NSD1: variants seen among roughly 807,000 people sequenced by gnomAD.
NSD1 encodes histone-lysine N-methyltransferase, H3 lysine-36 specific.
Under a neutral mutation model 242.7 loss-of-function variants are expected in NSD1, and 26 were observed. The observed-to-expected ratio is 0.11, with a 90% CI of 0.08 to 0.15. The LOEUF (loss-of-function observed/expected upper bound fraction) is 0.15, where lower values mean the gene tolerates loss of function less well. Ranked by LOEUF, NSD1 falls within the 10% of genes least tolerant of loss-of-function variation. NSD1 has a pLI of 1.00. For missense variants in NSD1, 2,495 were observed against 3,272.8 expected, an observed-to-expected ratio of 0.76 and a Z score of 5.80; for synonymous variants, 1,106 against 1,178.1, an observed-to-expected ratio of 0.94 and a Z score of 1.25.
intron 14 of NSD1, chr5:177,264,834 A>T: frequency 1.3e-6 from 1 of 756,558 alleles, no homozygotes; most frequent in Non-Finnish European, 2.4e-6. Context: ...GAAAACATGG[A>T]GTTGTTCCTT....
chr5:177,169,858 A>G (rs1448074437), intron 2 of NSD1, among the ~76,000 whole-genome samples: 1 of 152,216 alleles, frequency 6.6e-6, no homozygotes, highest in Non-Finnish European at 1.5e-5. Context: ...TTACTTCTGT[A>G]CCAACCTAAT....
chr5:177,256,479 TGC>T (rs771929981), intron 12 of NSD1, among the ~76,000 whole-genome samples: 3 of 152,092 alleles, frequency 2.0e-5, no homozygotes, highest in Non-Finnish European at 4.4e-5. Context: ...GATGGAGTTT[TGC>T]CACGTTGCCT....
intron 2 of NSD1, 101 bp from the exon 3 acceptor site, chr5:177,191,783 A>G (rs1562180442): frequency 7.9e-7 from 1 of 1,259,604 alleles, no homozygotes; most frequent in Non-Finnish European, 1.1e-6. Flanking sequence ...TTTCATTCTC[A>G]ATTTTTCATA....
intron 5 of NSD1, among the ~76,000 whole-genome samples, chr5:177,233,878 A>T (rs1765248723): frequency 6.6e-6 from 1 of 152,158 alleles, no homozygotes; most frequent in African/African-American, 2.4e-5. Flanking sequence ...ATGACCAGGG[A>T]ATCCCTAGAT....
At chr5:177,268,413 C>T (rs1349460399) in intron 15 of NSD1, among the ~76,000 whole-genome samples, 1 of 151,562 alleles carries the variant, frequency 6.6e-6, no homozygotes, top group East Asian at 1.9e-4. Flanking sequence ...ACCAACATGG[C>T]ACATGTATAC....
chr5:177,135,308 T>C lies in NSD1; in HGVS notation c.205T>C (p.Tyr69His). Residue 69 changes from tyrosine to histidine, a missense_variant, in exon 2 of 23, where the codon TAC becomes CAC. Physicochemically the swap from Tyr to His is moderately conservative, Grantham distance 83. Around this residue, in one of 19 missense-constraint regions of NSD1, gnomAD observed 376 missense variants for 367.4 expected, o/e 1.02. Coordinates refer to ENST00000439151, the MANE Select transcript of NSD1 (RefSeq NM_022455.5). Reference sequence around the variant, plus strand: ...TTATGGACAAGATTCTCCATCTTGTTACATTCCACTGCGGAGACTACAGGA... The same window carrying C: ...TTATGGACAAGATTCTCCATCTTGTCACATTCCACTGCGGAGACTACAGGA... ...NAYGQDSPSC[Y>H]IPLRRLQDLA... 2 of 1,613,484 alleles carry C rather than the reference T, an allele frequency of 1.2e-6. No homozygotes were observed. Among genetic ancestry groups the C allele is most frequent in the Admixed American group, 1.7e-5 (1 of 60,014 alleles).
At chr5:177,200,572 A>C (rs1017974381) in intron 3 of NSD1, among the ~76,000 whole-genome samples, 1 of 152,206 alleles carries the variant, frequency 6.6e-6, no homozygotes, top group Non-Finnish European at 1.5e-5. Flanking sequence ...CAACATCACC[A>C]TAGCCCTTGG....
At chr5:177,271,749 A>G (rs1412597956) in intron 16 of NSD1, among the ~76,000 whole-genome samples, 1 of 152,158 alleles carries the variant, frequency 6.6e-6, no homozygotes, top group South Asian at 2.1e-4. Context: ...GTTAGAGCAG[A>G]GTTTTAGAAA....
intron 4 of NSD1, among the ~76,000 whole-genome samples, chr5:177,205,811 A>G (rs1762825575): frequency 6.6e-6 from 1 of 151,890 alleles, no homozygotes; most frequent in Non-Finnish European, 1.5e-5. Flanking sequence ...CCCTGGGTCT[A>G]AATACTTTTA....
Position 177,230,544 on chromosome 5 carries a change from G to T in NSD1, c.3797-5277G>T, listed in dbSNP as rs555300758. Among the ~76,000 whole-genome samples, 40 of 152,200 alleles carry T rather than the reference G, an allele frequency of 2.6e-4. 1 individual carries two copies. The South Asian group carries it at 7.7e-3, about 29-fold the overall frequency. The stretch of plus-strand genomic sequence containing the variant: ...AAACAGCAATTATAAGAGGAAACGT[G>T]GCCAGGCGTGGTGGCTCAAGCCTAT... On this transcript the variant is annotated intron_variant, in intron 5 of 22. Coordinates refer to ENST00000439151, the MANE Select transcript of NSD1 (RefSeq NM_022455.5).
At chr5:177,255,581 T>G (rs1408896989) in intron 12 of NSD1, among the ~76,000 whole-genome samples, 2 of 152,110 alleles carry the variant, frequency 1.3e-5, no homozygotes, top group South Asian at 2.1e-4. Context: ...TTTGTTTTTT[T>G]GTTTTTTTGT....
chr5:177,239,794 A>C lies in NSD1; in HGVS notation c.4231A>C (p.Lys1411Gln), dbSNP rs1163745943. 2 of 1,613,108 alleles carry C rather than the reference A, an allele frequency of 1.2e-6. No homozygotes were observed. Among genetic ancestry groups the C allele is most frequent in the African/African-American group, 2.7e-5 (2 of 74,922 alleles). ...TAAACGTCAAAGAAAACCAACTAAG[A>C]AACTTCTTGAATCCAATGATTTAGA... is the stretch of plus-strand genomic sequence containing the variant. ...ESKRQRKPTK[K>Q]LLESNDLDPG... The change falls in exon 8 of 23, where the codon AAA becomes CAA. Residue 1411 changes from lysine (K) to glutamine (Q), a missense_variant. Physicochemically the swap from Lys to Gln is moderately conservative, Grantham distance 53 (BLOSUM62 1). This residue lies in a region of NSD1 where 100 missense variants were observed against 190.7 expected (regional missense o/e 0.52). Transcript: ENST00000439151.
intron 2 of NSD1, among the ~76,000 whole-genome samples, chr5:177,144,823 T>C (rs1757101749): frequency 6.6e-6 from 1 of 152,168 alleles, no homozygotes; most frequent in Non-Finnish European, 1.5e-5. Context: ...GGTTCACATC[T>C]ATAATCCCAG....
chr5:177,133,047 G>C (rs1755980969), upstream of NSD1: 1 of 153,686 alleles, frequency 6.5e-6, no homozygotes, highest in African/African-American at 2.4e-5. The surrounding 1 kb of genome is among the most constrained non-coding windows in gnomAD (Gnocchi z 6.2). Flanking sequence ...GTCTGTGGTG[G>C]TGGTGGTGGT....
In NSD1 at chr5:177,233,767, T is replaced by C. The variant is rs558216084; in HGVS notation, c.3797-2054T>C. On this transcript the variant is annotated intron_variant, in intron 5 of 22. Coordinates refer to ENST00000439151, the MANE Select transcript of NSD1 (RefSeq NM_022455.5). ...CAGGGAAGCTGGACAGGATGATGAC[T>C]GTTCCTCCTTGAAAACTCTTCGGCT... 6.6e-5 allele frequency among the ~76,000 whole-genome samples: 10 copies of C among 152,270 alleles called. No individual in the cohort carries two copies. In the East Asian group the frequency reaches 1.9e-3, roughly 29 times the overall value.
At chr5:177,165,381 T>C (rs1030475883) in intron 2 of NSD1, among the ~76,000 whole-genome samples, 8 of 152,052 alleles carry the variant, frequency 5.3e-5, no homozygotes, top group East Asian at 1.9e-4. Context: ...GTTGGCCCGA[T>C]TGGTCTCGAA....
intron 6 of NSD1, among the ~76,000 whole-genome samples, chr5:177,237,323 CTTCT>C (rs1440227232): frequency 6.6e-6 from 1 of 151,862 alleles, no homozygotes; most frequent in African/African-American, 2.4e-5. Context: ...AGAATAAGTG[CTTCT>C]TTCTTTCCCA....
chr5:177,229,746 A>AT (rs763140824), intron 5 of NSD1: 8 of 412,004 alleles, frequency 1.9e-5, no homozygotes, highest in South Asian at 5.0e-5. Context: ...CTTTTTATGT[A>AT]TTTTTTTATT....
rs1232616692 is a variant in NSD1 at position 177,295,086 on chromosome 5, C to T, written c.7718C>T (p.Ser2573Phe). The T allele has an allele frequency of 6.2e-7, 1 of 1,611,480 alleles. No homozygotes were observed. Among genetic ancestry groups the T allele is most frequent in the Non-Finnish European group, 8.5e-7 (1 of 1,178,418 alleles). The change falls in exon 23 of 23, where the codon TCC (serine) becomes TTC (phenylalanine). Residue 2573 changes from serine (S) to phenylalanine (F), a missense_variant. By Grantham distance (155) the Ser-to-Phe change is radical. Around this residue, in one of 19 missense-constraint regions of NSD1, gnomAD observed 475 missense variants for 563.7 expected, o/e 0.84. Transcript: ENST00000439151. This position sits in a 1 kb window ranked among gnomAD's most constrained non-coding sequence, Gnocchi z 4.3. ...CAGACCCCAGGGCCTCTTAGCCAAT[C>T]CCCGGGCCTGGTGAAGCAGGCGAAG... Reference protein sequence around the residue: ...AEQTPGPLSQSPGLVKQAKQM... With the variant: ...AEQTPGPLSQFPGLVKQAKQM...
Sources: allele counts gnomAD v4.1 joint callset (sites outside exome capture counted in the v4.1 genomes callset), GRCh38; gene constraint gnomAD v4.1.1; regional missense constraint gnomAD v4.1.1; non-coding constraint Gnocchi (gnomAD v3.1); transcripts MANE v1.5; gene names NCBI Gene and HGNC (gene_info 2026-07-23, HGNC 2026-07-21).